Variants in MROH9 observed in about 807,000 individuals in gnomAD.
MROH9 encodes maestro heat-like repeat-containing protein family member 9.
Under a neutral mutation model 98.2 loss-of-function variants are expected in MROH9, and 92 were observed. The observed-to-expected ratio is 0.94, with a 90% confidence interval of 0.79 to 1.11. The LOEUF is 1.11. Ranked by LOEUF, MROH9 falls within the 50% of genes most tolerant of loss-of-function variation. The probability of loss-of-function intolerance (pLI) is 0.00; values close to 1 mark genes in which losing one functional copy is unlikely to be tolerated. For missense variants in MROH9, 1,057 were observed against 1,014.8 expected (o/e 1.04, Z -0.57); for synonymous variants, 397 against 368.9 (o/e 1.08, Z -0.87).
intron 20 of MROH9, among the ~76,000 whole-genome samples, chr1:171,051,013 T>C (rs1653647915): frequency 6.6e-6 from 1 of 152,176 alleles, no homozygotes; most frequent in African/African-American, 2.4e-5. Flanking sequence ...ACCCACTTGA[T>C]TGTGGTATAT....
chr1:171,006,663 T>C (rs573573747), intron 15 of MROH9, among the ~76,000 whole-genome samples: 94 of 146,194 alleles, frequency 6.4e-4, no homozygotes, highest in Non-Finnish European at 1.1e-3. Context: ...TTCATTCTTT[T>C]ATATCTTTTT....
chr1:170,975,086 A>T (rs1650627257), intron 8 of MROH9, among the ~76,000 whole-genome samples: 1 of 152,056 alleles, frequency 6.6e-6, no homozygotes, highest in Admixed American at 6.5e-5. Flanking sequence ...AGCAGATAAC[A>T]CAAAATAGGA....
chr1:171,013,916 G>C (rs796729013), intron 15 of MROH9, among the ~76,000 whole-genome samples: 16 of 139,768 alleles, frequency 1.1e-4, no homozygotes, highest in African/African-American at 1.9e-4. Flanking sequence ...CACACACACA[G>C]ACAGACAAAA....
In MROH9 at chr1:171,042,933, G is replaced by A. The variant is rs374211302; in HGVS notation, c.2281+17513G>A. ...TTGCAAACATTTTCTCCCATTGTGT[G>A]GGTTGTCTCTTCACTTTGTTGATTG... On this transcript the variant is annotated intron_variant, in intron 20 of 21. Coordinates refer to ENST00000367759, the MANE Select transcript of MROH9 (RefSeq NM_001163629.2). Among the ~76,000 whole-genome samples, 6 of 152,128 alleles carry A rather than the reference G, an allele frequency of 3.9e-5. No individual in the cohort carries two copies. The East Asian group carries it at 9.6e-4, about 24-fold the overall frequency.
chr1:171,048,908 C>T (rs1056910823), intron 20 of MROH9, among the ~76,000 whole-genome samples: 1 of 152,136 alleles, frequency 6.6e-6, no homozygotes, highest in East Asian at 1.9e-4. Context: ...GCAGTGGGTT[C>T]CCTTTTGGCC....
intron 20 of MROH9, among the ~76,000 whole-genome samples, chr1:171,036,248 C>A (rs1468484410): frequency 6.6e-6 from 1 of 152,054 alleles, no homozygotes; most frequent in Non-Finnish European, 1.5e-5. Context: ...GAGAGAGTTT[C>A]TGGATTACTG....
At chr1:171,049,040 C>T (rs576669153) in intron 20 of MROH9, among the ~76,000 whole-genome samples, 4 of 152,262 alleles carry the variant, frequency 2.6e-5, no homozygotes, top group African/African-American at 9.6e-5. Flanking sequence ...AAGCCCTCCC[C>T]ACTTTTCCCT....
At chr1:170,946,581 T>C (rs1649337998) in intron 2 of MROH9, among the ~76,000 whole-genome samples, 1 of 152,042 alleles carries the variant, frequency 6.6e-6, no homozygotes, top group Non-Finnish European at 1.5e-5. Flanking sequence ...TGTAAGATGT[T>C]AGTTAACATT....
chr1:171,024,348 A>C, intron 17 of MROH9, 47 bp from the exon 18 acceptor site: 1 of 1,500,094 alleles, frequency 6.7e-7, no homozygotes, highest in South Asian at 1.2e-5. Flanking sequence ...CTGATTGAAG[A>C]AAAAAGCCCT....
At chr1:170,999,555 C>G (rs1010642187) in intron 15 of MROH9, among the ~76,000 whole-genome samples, 2 of 151,642 alleles carry the variant, frequency 1.3e-5, no homozygotes, top group African/African-American at 4.8e-5. Flanking sequence ...CACACACCAC[C>G]GTTTCTTTAT....
At chr1:170,978,030 T>G (rs920161009) in intron 8 of MROH9, among the ~76,000 whole-genome samples, 7 of 152,156 alleles carry the variant, frequency 4.6e-5, no homozygotes, top group Admixed American at 3.9e-4. Flanking sequence ...TTGCTCCTTC[T>G]TTAGTCTGAG....
chr1:171,038,039 G>A (rs1380176742), intron 20 of MROH9, among the ~76,000 whole-genome samples: 7 of 151,928 alleles, frequency 4.6e-5, no homozygotes, highest in Admixed American at 4.6e-4. Context: ...ATCTTGCTAA[G>A]TAAGAGTCAA....
At chr1:171,018,397 T>C (rs1571506551) in intron 17 of MROH9, among the ~76,000 whole-genome samples, 1 of 147,988 alleles carries the variant, frequency 6.8e-6, no homozygotes, top group Non-Finnish European at 1.5e-5. Context: ...CCTATTCAAA[T>C]GTCAGCAGCC....
chr1:171,053,647 T>C (rs1653738880), intron 20 of MROH9, among the ~76,000 whole-genome samples: 1 of 152,218 alleles, frequency 6.6e-6, no homozygotes, highest in Non-Finnish European at 1.5e-5. Flanking sequence ...TAATATATCA[T>C]TGTTGCAGTT....
intron 7 of MROH9, among the ~76,000 whole-genome samples, chr1:170,965,808 T>C (rs1650213529): frequency 6.6e-6 from 1 of 152,128 alleles, no homozygotes; most frequent in African/African-American, 2.4e-5. Context: ...AATACATAGC[T>C]TTATTATTTA....
At chr1:170,999,172 T>A (rs1042559880) in intron 15 of MROH9, among the ~76,000 whole-genome samples, 6 of 150,540 alleles carry the variant, frequency 4.0e-5, no homozygotes, top group Admixed American at 2.0e-4. Flanking sequence ...GGGTTTCTTT[T>A]TTTTCCCCAT....
chr1:170,973,220 A>C (rs1463489851), intron 8 of MROH9, among the ~76,000 whole-genome samples: 3 of 152,194 alleles, frequency 2.0e-5, no homozygotes, highest in African/African-American at 7.2e-5. Context: ...GAGAACATGC[A>C]TGCAAGTAAA....
intron 7 of MROH9, among the ~76,000 whole-genome samples, chr1:170,968,676 A>G (rs957616846): frequency 1.1e-4 from 16 of 152,162 alleles, no homozygotes; most frequent in African/African-American, 3.6e-4. Context: ...TGAGCCCAGG[A>G]GTTCTAGGCT....
intron 4 of MROH9, among the ~76,000 whole-genome samples, chr1:170,959,004 A>G (rs1348318033): frequency 6.6e-6 from 1 of 152,152 alleles, no homozygotes; most frequent in Non-Finnish European, 1.5e-5. Flanking sequence ...TTACAACATT[A>G]TTATCATTTT....
Sources: allele counts gnomAD v4.1 joint callset (sites outside exome capture counted in the v4.1 genomes callset), GRCh38; gene constraint gnomAD v4.1.1; transcripts MANE v1.5; gene names NCBI Gene and HGNC (gene_info 2026-07-23, HGNC 2026-07-21).